Variants in LPAR3 observed in about 807,000 individuals in gnomAD.
LPAR3 encodes LPA receptor 3.
A neutral mutation model predicts 17.8 loss-of-function variants in LPAR3; 7 were observed. That is an observed-to-expected ratio of 0.39 (90% CI 0.22 to 0.74). The LOEUF is 0.74. Ranked by LOEUF, LPAR3 falls within the 30% of genes least tolerant of loss-of-function variation. The pLI is 0.40. For synonymous variants in LPAR3, 179 were observed against 179.9 expected (o/e 0.99, Z 0.04); for missense variants, 391 against 453.4 (o/e 0.86, Z 1.25).
At chr1:84,891,624 T>G (rs1484368280) in intron 1 of LPAR3, among the ~76,000 whole-genome samples, 1 of 152,250 alleles carries the variant, frequency 6.6e-6, no homozygotes, top group African/African-American at 2.4e-5. Context: ...GGTTAGCAAC[T>G]GTTGATGGAT....
At chr1:84,873,008 T>A (rs944020835) in intron 1 of LPAR3, among the ~76,000 whole-genome samples, 2 of 152,042 alleles carry the variant, frequency 1.3e-5, no homozygotes, top group African/African-American at 4.8e-5. Context: ...TAAATCGCAG[T>A]TGGGGAACAT....
chr1:84,887,399 A>G (rs2102775255), intron 1 of LPAR3, among the ~76,000 whole-genome samples: 1 of 151,876 alleles, frequency 6.6e-6, no homozygotes, highest in Non-Finnish European at 1.5e-5. Context: ...AAGAATCACC[A>G]TTTGGCAACA....
chr1:84,828,234 T>C (rs1314019828), intron 2 of LPAR3, among the ~76,000 whole-genome samples: 1 of 152,140 alleles, frequency 6.6e-6, no homozygotes, highest in African/African-American at 2.4e-5. Context: ...TCTTAAATAG[T>C]CAGCTTCTCC....
At chr1:84,830,641 C>T (rs1659265156) in intron 2 of LPAR3, among the ~76,000 whole-genome samples, 1 of 152,176 alleles carries the variant, frequency 6.6e-6, no homozygotes, top group African/African-American at 2.4e-5. Context: ...CTTGGATTTT[C>T]GACACCTGAT....
chr1:84,852,904 G>A (rs1455116660), intron 2 of LPAR3, among the ~76,000 whole-genome samples: 1 of 152,120 alleles, frequency 6.6e-6, no homozygotes, highest in African/African-American at 2.4e-5. Context: ...TATTAGAGTA[G>A]TATAGGAAGA....
chr1:84,870,095 T>C (rs762928319), intron 1 of LPAR3, among the ~76,000 whole-genome samples: 6 of 152,242 alleles, frequency 3.9e-5, no homozygotes, highest in Non-Finnish European at 8.8e-5. Flanking sequence ...GACTGATTTA[T>C]TATTATCTCT....
At chr1:84,839,895 T>C (rs964393025) in intron 2 of LPAR3, among the ~76,000 whole-genome samples, 2 of 152,166 alleles carry the variant, frequency 1.3e-5, no homozygotes, top group African/African-American at 4.8e-5. Context: ...ATAGAGTGCT[T>C]ATTTAAGCTC....
rs374428046 is a variant in LPAR3 at position 84,884,073 on chromosome 1, T to C, written c.-19+8943A>G. 4.6e-5 allele frequency among the ~76,000 whole-genome samples: 7 copies of C among 152,364 alleles called. No individual in the cohort carries two copies. In the East Asian group the frequency reaches 9.6e-4, roughly 21 times the overall value. ...CTCACAGCCTATGCCCCTTTCTTAT[T>C]TGGAAATGTTATTACTTCTTTAAAT... On this transcript the variant is annotated intron_variant, in intron 1 of 2. Transcript: ENST00000370611.
intron 1 of LPAR3, among the ~76,000 whole-genome samples, chr1:84,873,322 ACT>A (rs1399066955): frequency 1.3e-5 from 2 of 152,110 alleles, no homozygotes; most frequent in African/African-American, 4.8e-5. Flanking sequence ...TAACATAGGA[ACT>A]CTCTGTACTA....
chr1:84,818,429 T>C (rs1308068742), intron 2 of LPAR3, among the ~76,000 whole-genome samples: 2 of 152,158 alleles, frequency 1.3e-5, no homozygotes, highest in African/African-American at 4.8e-5. Flanking sequence ...AAAATCACAT[T>C]AAAAATTCAC....
intron 1 of LPAR3, among the ~76,000 whole-genome samples, chr1:84,877,460 C>T (rs115897672): frequency 0.029 from 4,411 of 152,256 alleles, 100 homozygotes; most frequent in Non-Finnish European, 0.042. Flanking sequence ...GTAGACAAAG[C>T]AGCTTGGGGG....
At chr1:84,892,213 A>AG (rs1435709212) in intron 1 of LPAR3, among the ~76,000 whole-genome samples, 3 of 125,394 alleles carry the variant, frequency 2.4e-5, no homozygotes, top group Admixed American at 8.1e-5. Flanking sequence ...ACTGTGTCTC[A>AG]AAAATAAATA....
chr1:84,889,536 C>T (rs1570912194), intron 1 of LPAR3, among the ~76,000 whole-genome samples: 1 of 152,218 alleles, frequency 6.6e-6, no homozygotes, highest in Non-Finnish European at 1.5e-5. Flanking sequence ...TTCTTTGGAA[C>T]TTTGCCCTAT....
Position 84,865,937 on chromosome 1 carries a change from GA to G in LPAR3, c.183del (p.His62IlefsTer11). On this transcript the variant is annotated frameshift_variant, in exon 2 of 3. Transcript: ENST00000370611. LOFTEE classifies it high-confidence loss of function. ...VIAAVIKNRKFHFPFYYLLAN... is the reference protein window; with the variant it reads ...VIAAVIKNRKXHFPFYYLLAN... Reference sequence around the variant, plus strand: ...GCCAACAGGTAGTAGAAGGGGAAATGAAATTTTCTGTTTTTGATCACTGCCG... The same window carrying G: ...GCCAACAGGTAGTAGAAGGGGAAATGAATTTTCTGTTTTTGATCACTGCCG... 1 of 1,614,060 alleles carries G rather than the reference GA, an allele frequency of 6.2e-7. No individual in the cohort carries two copies. Among genetic ancestry groups the G allele is most frequent in the South Asian group, 1.1e-5 (1 of 91,070 alleles).
At chr1:84,831,286 C>T (rs934143704) in intron 2 of LPAR3, among the ~76,000 whole-genome samples, 1 of 152,056 alleles carries the variant, frequency 6.6e-6, no homozygotes, top group Non-Finnish European at 1.5e-5. Flanking sequence ...ATATCTCTTA[C>T]ACCTCCGTAT....
chr1:84,832,388 G>A (rs1375333713), intron 2 of LPAR3, among the ~76,000 whole-genome samples: 1 of 152,104 alleles, frequency 6.6e-6, no homozygotes, highest in African/African-American at 2.4e-5. Flanking sequence ...CCTCTAGTAA[G>A]TCAAAATGGG....
chr1:84,814,422 T>C (rs1658893806), intron 2 of LPAR3, among the ~76,000 whole-genome samples: 1 of 152,200 alleles, frequency 6.6e-6, no homozygotes, highest in Non-Finnish European at 1.5e-5. Flanking sequence ...GGTCTTGTGA[T>C]TATGAGAGAC....
chr1:84,824,699 G>C (rs1424890507), intron 2 of LPAR3, among the ~76,000 whole-genome samples: 1 of 152,178 alleles, frequency 6.6e-6, no homozygotes, highest in Non-Finnish European at 1.5e-5. Context: ...AATATTAGTT[G>C]TGACTACCCA....
At chr1:84,862,283 A>T (rs1163344989) in intron 2 of LPAR3, among the ~76,000 whole-genome samples, 1 of 152,174 alleles carries the variant, frequency 6.6e-6, no homozygotes, top group Non-Finnish European at 1.5e-5. Flanking sequence ...GTTCTTGTCC[A>T]TTTTCTTATC....
Sources: allele counts gnomAD v4.1 joint callset (sites outside exome capture counted in the v4.1 genomes callset), GRCh38; gene constraint gnomAD v4.1.1; transcripts MANE v1.5; gene names NCBI Gene and HGNC (gene_info 2026-07-23, HGNC 2026-07-21).